The following CADPS variants were observed in gnomAD, a reference collection of about 807,000 sequenced individuals.
CADPS encodes calcium-dependent secretion activator 1.
Under a neutral mutation model 167.3 loss-of-function variants are expected in CADPS, and 57 were observed. The observed-to-expected ratio is 0.34, with a 90% CI of 0.28 to 0.42. The LOEUF (loss-of-function observed/expected upper bound fraction) is 0.42. Among genes scored for constraint, CADPS ranks in the 20% least tolerant of loss-of-function variants. The probability of loss-of-function intolerance (pLI) is 1.00; values close to 1 mark genes in which losing one functional copy is unlikely to be tolerated. For synonymous variants in CADPS, 676 were observed against 635.3 expected, an observed-to-expected ratio of 1.06 and a Z score of -0.96; for missense variants, 1,414 against 1,738.1, an observed-to-expected ratio of 0.81 and a Z score of 3.32.
intron 1 of CADPS, among the ~76,000 whole-genome samples, chr3:62,861,549 T>C (rs2080806463): frequency 6.6e-6 from 1 of 152,224 alleles, no homozygotes; most frequent in African/African-American, 2.4e-5. Flanking sequence ...CTGTGCTGGA[T>C]AAAACATTCA....
intron 13 of CADPS, among the ~76,000 whole-genome samples, chr3:62,520,550 T>C (rs1353454713): frequency 1.3e-5 from 2 of 152,238 alleles, no homozygotes; most frequent in Non-Finnish European, 2.9e-5. Flanking sequence ...AATTTGCTTC[T>C]TGATCACCTA....
chr3:62,626,575 T>C lies in CADPS; in HGVS notation c.1325+19147A>G, dbSNP rs1326491833. 21 of 702,218 alleles carry C rather than the reference T, an allele frequency of 3.0e-5. No individual in the cohort carries two copies. In the East Asian group the frequency reaches 5.4e-4, roughly 18 times the overall value. The allele number at this position is 702,218 out of a possible 1,614,324, so 43.5% of individuals were successfully genotyped here. A position where few individuals can be genotyped will look rare whatever the true frequency, so the allele number is the denominator to read the frequency against. ...TCTCTTCTGTTTCTCCTGATTACCCTAGGAAGAAGTTCTCAGTGTGAAGGA... is the reference window on the plus strand; with the variant it reads ...TCTCTTCTGTTTCTCCTGATTACCCCAGGAAGAAGTTCTCAGTGTGAAGGA... On this transcript the variant is annotated intron_variant, in intron 6 of 29. Transcript: ENST00000383710.
chr3:62,497,651 C>T (rs2065047156), intron 18 of CADPS, among the ~76,000 whole-genome samples: 1 of 152,228 alleles, frequency 6.6e-6, no homozygotes, highest in African/African-American at 2.4e-5. Context: ...CTACCTGCCT[C>T]AAGGGGTCTT....
rs1046489876 is a variant in CADPS, at chr3:62,466,678, C to T, written c.3478-265G>A. The T allele has an allele frequency of 1.5e-5, 7 of 462,450 alleles. No homozygotes were observed. The South Asian group carries it at 1.5e-4, about 10-fold the overall frequency. The allele number at this position is 462,450 out of a possible 1,614,324, so 28.6% of individuals were successfully genotyped here. On this transcript the variant is annotated intron_variant, in intron 24 of 29. Transcript: ENST00000383710. The stretch of plus-strand genomic sequence containing the variant: ...GTGTGTAGACACTTAAACACTTTTA[C>T]AAATAGCACACATGAATGACTTAAT...
chr3:62,842,868 G>C (rs777188875), intron 1 of CADPS, among the ~76,000 whole-genome samples: 2 of 152,148 alleles, frequency 1.3e-5, no homozygotes, highest in Non-Finnish European at 2.9e-5. Context: ...ATGATTAATG[G>C]TACTTATGCA....
At chr3:62,642,079 G>A (rs2067540480) in intron 6 of CADPS, among the ~76,000 whole-genome samples, 1 of 146,242 alleles carries the variant, frequency 6.8e-6, no homozygotes, top group Non-Finnish European at 1.5e-5. Context: ...ATTGGGTTAT[G>A]TTATGTACTC....
At chr3:62,703,873 CTT>C (rs762042987) in intron 3 of CADPS, among the ~76,000 whole-genome samples, 1 of 152,148 alleles carries the variant, frequency 6.6e-6, no homozygotes, top group Admixed American at 6.5e-5. Flanking sequence ...ATCCAGTTGA[CTT>C]ATCTTCATAG....
chr3:62,658,279 G>A lies in CADPS; in HGVS notation c.969+4035C>T, dbSNP rs192998943. ...ATCACGGGTCTAAATGAGATTTTATGTGAATTGCACAGCCAGTGTCTGACT... is the reference window on the plus strand; with the variant it reads ...ATCACGGGTCTAAATGAGATTTTATATGAATTGCACAGCCAGTGTCTGACT... On this transcript the variant is annotated intron_variant, in intron 4 of 29. Transcript: ENST00000383710. Among the ~76,000 whole-genome samples, 129 of 152,244 alleles carry A rather than the reference G, an allele frequency of 8.5e-4. 1 individual carries two copies. The highest frequency in any genetic ancestry group is 3.4e-3 in the Middle Eastern group (1 of 294).
At chr3:62,828,634 A>C (rs1576991594) in intron 1 of CADPS, among the ~76,000 whole-genome samples, 1 of 152,168 alleles carries the variant, frequency 6.6e-6, no homozygotes, top group East Asian at 1.9e-4. Flanking sequence ...TTCACAGTTG[A>C]GGGCCAAATT....
Position 62,512,737 on chromosome 3 carries a change from T to C in CADPS, c.2599+14A>G, listed in dbSNP as rs2068109513. ...CAGTCCTGATAATTTATAATGCATA[T>C]ACAATTGGTTCACCTGCATCCTTTT... is the stretch of plus-strand genomic sequence containing the variant. On this transcript the variant is annotated intron_variant, in intron 17 of 29. Coordinates refer to ENST00000383710, the MANE Select transcript of CADPS (RefSeq NM_003716.4). 2.5e-6 allele frequency: 4 copies of C among 1,599,898 alleles called. No individual in the cohort carries two copies. Among genetic ancestry groups the C allele is most frequent in the Non-Finnish European group, 3.4e-6 (4 of 1,169,584 alleles).
intron 13 of CADPS, among the ~76,000 whole-genome samples, chr3:62,520,585 A>T (rs1209370558): frequency 6.6e-6 from 1 of 152,026 alleles, no homozygotes; most frequent in East Asian, 1.9e-4. Flanking sequence ...CTTTTATTTT[A>T]AATAAAACAA....
intron 11 of CADPS, among the ~76,000 whole-genome samples, chr3:62,537,375 T>C (rs1017081081): frequency 6.6e-6 from 1 of 152,146 alleles, no homozygotes; most frequent in Non-Finnish European, 1.5e-5. Flanking sequence ...GCTAACTAAT[T>C]AATCTCAACA....
intron 1 of CADPS, among the ~76,000 whole-genome samples, chr3:62,791,158 G>A (rs1412311391): frequency 6.6e-6 from 1 of 152,152 alleles, no homozygotes; most frequent in African/African-American, 2.4e-5. Flanking sequence ...TCTTAAAGCA[G>A]ATTCTTTTCC....
intron 4 of CADPS, among the ~76,000 whole-genome samples, chr3:62,660,120 G>GT (rs529926712): frequency 3.5e-4 from 53 of 151,848 alleles, no homozygotes; most frequent in Admixed American, 7.9e-4. Flanking sequence ...GCTCATCCAG[G>GT]TTCTATTAAA....
intron 6 of CADPS, among the ~76,000 whole-genome samples, chr3:62,620,290 T>C (rs2062971519): frequency 1.3e-5 from 2 of 152,144 alleles, no homozygotes; most frequent in Admixed American, 1.3e-4. Flanking sequence ...TGTTTGGTGC[T>C]GTGCTAAGTG....
chr3:62,863,342 G>C (rs59180029), intron 1 of CADPS, among the ~76,000 whole-genome samples: 3,323 of 152,210 alleles, frequency 0.022, 125 homozygotes, highest in African/African-American at 0.076. Context: ...GGATTGGGAT[G>C]ATTAGCACCT....
chr3:62,489,917 C>T (rs1000742123), intron 21 of CADPS, among the ~76,000 whole-genome samples: 1 of 152,044 alleles, frequency 6.6e-6, no homozygotes, highest in African/African-American at 2.4e-5. Context: ...GTCAGTAGGG[C>T]CATATTAAGA....
chr3:62,697,405 A>G (rs1170157370), intron 3 of CADPS, among the ~76,000 whole-genome samples: 1 of 151,996 alleles, frequency 6.6e-6, no homozygotes, highest in African/African-American at 2.4e-5. Flanking sequence ...CTTAGTCTCC[A>G]GTTCCATCCT....
intron 7 of CADPS, among the ~76,000 whole-genome samples, chr3:62,586,074 C>T (rs926879670): frequency 2.6e-5 from 4 of 152,120 alleles, no homozygotes; most frequent in South Asian, 2.1e-4. Flanking sequence ...ATCCACTTTT[C>T]GCTTTGTGAT....
Sources: allele counts gnomAD v4.1 joint callset (sites outside exome capture counted in the v4.1 genomes callset), GRCh38; gene constraint gnomAD v4.1.1; transcripts MANE v1.5; gene names NCBI Gene and HGNC (gene_info 2026-07-23, HGNC 2026-07-21).